Variants in C12orf42 observed in about 807,000 individuals in gnomAD.
The protein encoded by C12orf42 is chromosome 12 open reading frame 42.
A neutral mutation model predicts 21.6 loss-of-function variants in C12orf42; 25 were observed. The observed-to-expected ratio is 1.16, with a 90% CI of 0.84 to 1.62. The LOEUF is 1.62. Ranked by LOEUF, C12orf42 falls within the 40% of genes most tolerant of loss-of-function variation. The probability of loss-of-function intolerance (pLI) is 0.00; values close to 1 mark genes in which losing one functional copy is unlikely to be tolerated. For synonymous variants in C12orf42, 174 were observed against 175.0 expected (o/e 0.99, Z 0.05); for missense variants, 483 against 459.3 (o/e 1.05, Z -0.47).
the C12orf42 span, among the ~76,000 whole-genome samples, chr12:103,191,555 A>T: frequency 6.8e-6 from 1 of 147,226 alleles, no homozygotes; most frequent in African/African-American, 2.5e-5. Context: ...AAAAAAAAAA[A>T]AAAAAAAAAA....
the C12orf42 span, among the ~76,000 whole-genome samples, chr12:103,114,332 A>G: frequency 6.6e-6 from 1 of 152,192 alleles, no homozygotes; most frequent in African/African-American, 2.4e-5. Context: ...AGCGTGGCCT[A>G]AAGAGAAGGG....
At chr12:103,362,010 T>G (rs1174387927) in intron 4 of C12orf42, among the ~76,000 whole-genome samples, 4 of 152,146 alleles carry the variant, frequency 2.6e-5, no homozygotes, top group Non-Finnish European at 4.4e-5. Context: ...CCACAGCTGA[T>G]GCCCTCTTGA....
chr12:103,331,017 A>G (rs2041195773), intron 4 of C12orf42, among the ~76,000 whole-genome samples: 1 of 152,218 alleles, frequency 6.6e-6, no homozygotes, highest in Non-Finnish European at 1.5e-5. Flanking sequence ...CTTTTTCTTA[A>G]TAAAATAAAC....
intron 2 of C12orf42, among the ~76,000 whole-genome samples, chr12:103,416,034 G>GTT (rs3065787): frequency 0.62 from 90,433 of 146,752 alleles, 28,572 homozygotes; most frequent in Admixed American, 0.71. Flanking sequence ...TGTTTAGTGG[G>GTT]TTTTTTTTTT....
At chr12:103,485,785 G>A (rs1003969711) in intron 1 of C12orf42, among the ~76,000 whole-genome samples, 1 of 152,084 alleles carries the variant, frequency 6.6e-6, no homozygotes, top group African/African-American at 2.4e-5. Flanking sequence ...TCTATTATTG[G>A]TATATAGGAA....
At chr12:103,519,592 A>G in the C12orf42 span, among the ~76,000 whole-genome samples, 2 of 152,176 alleles carry the variant, frequency 1.3e-5, no homozygotes, top group Non-Finnish European at 2.9e-5. Context: ...AGGGGGCACA[A>G]ACCTGGACTA....
chr12:103,529,515 T>G, the C12orf42 span, among the ~76,000 whole-genome samples: 1 of 152,206 alleles, frequency 6.6e-6, no homozygotes, highest in African/African-American at 2.4e-5. Context: ...CACACCATTC[T>G]GAACAATACC....
At chr12:103,268,314 A>G (rs1239800196), downstream of C12orf42, 1 of 152,094 alleles carries the variant, frequency 6.6e-6, no homozygotes, top group African/African-American at 2.4e-5. Flanking sequence ...CCACATCTGT[A>G]TATTCAGAGA....
At chr12:103,230,891 A>T in the C12orf42 span, among the ~76,000 whole-genome samples, 1 of 152,084 alleles carries the variant, frequency 6.6e-6, no homozygotes, top group Non-Finnish European at 1.5e-5. Flanking sequence ...TTTTTAGTTC[A>T]TAATTTTTGA....
chr12:103,130,174 C>T, the C12orf42 span, among the ~76,000 whole-genome samples: 1 of 151,860 alleles, frequency 6.6e-6, no homozygotes, highest in African/African-American at 2.4e-5. Flanking sequence ...TAATATGTCT[C>T]ATCTGATTAG....
Position 103,302,473 on chromosome 12 carries a change from T to C in C12orf42, c.718A>G (p.Thr240Ala). The C allele has an allele frequency of 6.2e-7, 1 of 1,613,610 alleles. No individual in the cohort carries two copies. The highest frequency in any genetic ancestry group is 1.7e-4 in the Middle Eastern group (1 of 6,058). Residue 240 changes from threonine to alanine, a missense_variant, in exon 6 of 6, where the codon ACA becomes GCA. Thr to Ala is a moderately conservative substitution (Grantham distance 58). Transcript: ENST00000548883. ...ATCCTCTCCTCCGGCTCGAGCTCTG[T>C]GTTACTCGGGCCGGTGCTCTGCAGA... is the stretch of plus-strand genomic sequence containing the variant. ...GALQSTGPSN[T>A]ELEPEERMAV...
At chr12:103,243,889 T>C (rs2033881665) in intron 10 of C12orf42, among the ~76,000 whole-genome samples, 1 of 152,172 alleles carries the variant, frequency 6.6e-6, no homozygotes, top group Non-Finnish European at 1.5e-5. Context: ...GCAGAGGCTC[T>C]CAGTGTTGGT....
the C12orf42 span, among the ~76,000 whole-genome samples, chr12:103,142,256 G>T: frequency 6.6e-6 from 1 of 152,132 alleles, no homozygotes; most frequent in African/African-American, 2.4e-5. Context: ...TAAAAATTTT[G>T]CCCAAAGTAG....
chr12:103,290,448 G>C (rs1021347410), intron 4 of C12orf42, among the ~76,000 whole-genome samples: 1 of 152,164 alleles, frequency 6.6e-6, no homozygotes, highest in African/African-American at 2.4e-5. Flanking sequence ...GTTAAAATGG[G>C]TCAACAGGCA....
chr12:103,398,785 A>G (rs2047741842), intron 3 of C12orf42, among the ~76,000 whole-genome samples: 1 of 152,088 alleles, frequency 6.6e-6, no homozygotes, highest in Non-Finnish European at 1.5e-5. Context: ...TTTCTTTTGT[A>G]TATCAGATTT....
At chr12:103,271,688 A>G (rs1452660265) in intron 5 of C12orf42, among the ~76,000 whole-genome samples, 1 of 152,162 alleles carries the variant, frequency 6.6e-6, no homozygotes, top group Non-Finnish European at 1.5e-5. Flanking sequence ...AGCTATGACC[A>G]TGAAGAGTAA....
the C12orf42 span, among the ~76,000 whole-genome samples, chr12:103,106,200 T>G: frequency 1.3e-5 from 2 of 152,170 alleles, no homozygotes; most frequent in East Asian, 3.9e-4. Flanking sequence ...AATGAAATAA[T>G]GCCTAACTCA....
the C12orf42 span, among the ~76,000 whole-genome samples, chr12:103,556,613 T>C: frequency 2.0e-5 from 3 of 152,158 alleles, no homozygotes; most frequent in Non-Finnish European, 4.4e-5. Flanking sequence ...TTCAAAAATG[T>C]TCATTAGCTA....
chr12:103,387,840 CT>C (rs2046743687), intron 3 of C12orf42, among the ~76,000 whole-genome samples: 1 of 152,192 alleles, frequency 6.6e-6, no homozygotes, highest in Non-Finnish European at 1.5e-5. Flanking sequence ...GCCATCATAC[CT>C]TTTCAAAGTC....
Sources: gnomAD v4.1 joint callset for allele counts (sites outside exome capture counted in the v4.1 genomes callset) on GRCh38, gnomAD v4.1.1 for gene constraint, MANE v1.5 for transcripts, NCBI Gene and HGNC (gene_info 2026-07-23, HGNC 2026-07-21) for gene names.